The following PCSK5 variants were observed in gnomAD, a reference collection of about 807,000 sequenced individuals.
The protein encoded by PCSK5 is proprotein convertase subtilisin/kexin type 5.
PCSK5 carries 129 observed loss-of-function variants against 233.2 expected under a neutral mutation model. That is an observed-to-expected ratio of 0.55 (90% CI 0.48 to 0.64). PCSK5 has a LOEUF of 0.64. Among genes scored for constraint, PCSK5 ranks in the 30% least tolerant of loss-of-function variants. PCSK5 has a pLI of 0.00. For missense variants in PCSK5, 2,076 were observed against 2,430.1 expected, an observed-to-expected ratio of 0.85 and a Z score of 3.06; for synonymous variants, 825 against 879.2, an observed-to-expected ratio of 0.94 and a Z score of 1.09.
chr9:76,057,254 T>TA (rs1284012625), intron 5 of PCSK5, among the ~76,000 whole-genome samples: 4 of 152,090 alleles, frequency 2.6e-5, no homozygotes, highest in Admixed American at 6.6e-5. Flanking sequence ...TCTGTGGGAA[T>TA]AAAAAAAATG....
chr9:75,931,729 C>T (rs955147220), intron 1 of PCSK5, among the ~76,000 whole-genome samples: 22 of 152,122 alleles, frequency 1.4e-4, no homozygotes, highest in African/African-American at 2.2e-4. Context: ...GTTAGAGAAA[C>T]GGATAAGATA....
At chr9:76,006,473 T>G (rs1827483197) in intron 3 of PCSK5, among the ~76,000 whole-genome samples, 1 of 152,318 alleles carries the variant, frequency 6.6e-6, no homozygotes, top group Admixed American at 6.5e-5. Context: ...TCCTTTTTCC[T>G]TCACTTGATC....
At chr9:76,351,145 C>G (rs1830112090) in intron 36 of PCSK5, among the ~76,000 whole-genome samples, 2 of 152,080 alleles carry the variant, frequency 1.3e-5, no homozygotes. Flanking sequence ...CTGAGAAGAT[C>G]TAAGATAATG....
At chr9:75,951,647 A>G (rs1258183579) in intron 2 of PCSK5, among the ~76,000 whole-genome samples, 1 of 152,200 alleles carries the variant, frequency 6.6e-6, no homozygotes, top group East Asian at 1.9e-4. Flanking sequence ...ATTAATACAT[A>G]CAATCAGACC....
intron 1 of PCSK5, among the ~76,000 whole-genome samples, chr9:75,925,097 T>C (rs945892644): frequency 4.6e-5 from 7 of 152,210 alleles, no homozygotes; most frequent in Non-Finnish European, 5.9e-5. Flanking sequence ...AGCCTTGTTA[T>C]AAGTATGATT....
rs959039257 is a variant in PCSK5 at position 76,361,518 on chromosome 9, T to C, written c.*2596T>C. 6.6e-6 allele frequency: 1 copy of C among 151,686 alleles called. No individual in the cohort carries two copies. The highest frequency in any genetic ancestry group is 2.4e-5 in the African/African-American group (1 of 41,244). 9.4% of individuals were successfully genotyped at this position (151,686 alleles called of 1,614,324 possible). On this transcript the variant is annotated 3_prime_UTR_variant, in exon 38 of 38. Transcript: ENST00000674117. ...AGTTCGACATCAGCCTTGGACAACATAGTGAGACTCCCGTGTCTACAAAAA... is the reference window on the plus strand; with the variant it reads ...AGTTCGACATCAGCCTTGGACAACACAGTGAGACTCCCGTGTCTACAAAAA...
At chr9:75,958,047 C>T (rs570839743) in intron 2 of PCSK5, among the ~76,000 whole-genome samples, 73 of 152,254 alleles carry the variant, frequency 4.8e-4, no homozygotes, top group Admixed American at 7.2e-4. Context: ...CAGGTTTGTT[C>T]CAGGCGGTTA....
At chr9:76,023,358 T>G (rs1415864768) in intron 3 of PCSK5, among the ~76,000 whole-genome samples, 1 of 152,154 alleles carries the variant, frequency 6.6e-6, no homozygotes, top group Non-Finnish European at 1.5e-5. Context: ...TTGCTGCTAA[T>G]TTAATGCATT....
intron 6 of PCSK5, among the ~76,000 whole-genome samples, chr9:76,069,357 C>T (rs1224550980): frequency 3.3e-5 from 5 of 151,836 alleles, no homozygotes; most frequent in Non-Finnish European, 7.4e-5. Flanking sequence ...TATCAATACT[C>T]TCCAGCACAA....
intron 3 of PCSK5, 91 bp downstream of exon 3, chr9:75,986,336 A>G (rs1826514300): frequency 9.1e-6 from 7 of 772,642 alleles, no homozygotes; most frequent in Non-Finnish European, 1.6e-5. Flanking sequence ...GGACACAGAA[A>G]TACTGACCAG....
intron 30 of PCSK5, among the ~76,000 whole-genome samples, chr9:76,315,453 G>A (rs1828995494): frequency 6.6e-6 from 1 of 152,112 alleles, no homozygotes; most frequent in South Asian, 2.1e-4. Flanking sequence ...ATTTATCTGA[G>A]CTGAAAGACT....
intron 24 of PCSK5, among the ~76,000 whole-genome samples, chr9:76,246,354 A>C (rs1449936313): frequency 7.0e-6 from 1 of 143,094 alleles, no homozygotes; most frequent in East Asian, 1.9e-4. Context: ...AAAAAAAAAA[A>C]AAAAAAAAAA....
intron 32 of PCSK5, among the ~76,000 whole-genome samples, chr9:76,326,068 G>T (rs758706633): frequency 1.3e-5 from 2 of 152,130 alleles, no homozygotes. Flanking sequence ...GAAGTGTAGA[G>T]AAGCGTTTAG....
chr9:76,180,378 T>A (rs1296725508), intron 15 of PCSK5, among the ~76,000 whole-genome samples: 1 of 152,078 alleles, frequency 6.6e-6, no homozygotes, highest in African/African-American at 2.4e-5. Flanking sequence ...AAGATGCCAA[T>A]GCACAGGCCA....
chr9:76,229,753 C>T (rs541671068), intron 21 of PCSK5, among the ~76,000 whole-genome samples: 89 of 152,216 alleles, frequency 5.8e-4, no homozygotes, highest in Non-Finnish European at 9.8e-4. Flanking sequence ...CAGTTCATGT[C>T]ACACACACAT....
intron 3 of PCSK5, among the ~76,000 whole-genome samples, chr9:75,989,664 G>C (rs1826681293): frequency 6.6e-6 from 1 of 152,160 alleles, no homozygotes; most frequent in Admixed American, 6.5e-5. Context: ...CACAAGGCTG[G>C]CACATGGGTT....
intron 2 of PCSK5, among the ~76,000 whole-genome samples, chr9:75,982,782 A>G (rs1037500796): frequency 2.2e-5 from 3 of 138,874 alleles, no homozygotes; most frequent in African/African-American, 8.0e-5. Flanking sequence ...TGTCGTTCAC[A>G]TTATTTTTAT....
intron 2 of PCSK5, among the ~76,000 whole-genome samples, chr9:75,935,599 T>G (rs1326429405): frequency 6.6e-6 from 1 of 152,224 alleles, no homozygotes; most frequent in East Asian, 1.9e-4. Context: ...ATTGCCTCTT[T>G]TCAGGGCCAG....
At chr9:76,279,745 C>A (rs1215087304) in intron 24 of PCSK5, among the ~76,000 whole-genome samples, 6 of 151,826 alleles carry the variant, frequency 4.0e-5, no homozygotes, top group African/African-American at 9.7e-5. Flanking sequence ...CCTTCGCCCA[C>A]TTTTTGATGG....
Sources: gnomAD v4.1 joint callset for allele counts (sites outside exome capture counted in the v4.1 genomes callset) on GRCh38, gnomAD v4.1.1 for gene constraint, MANE v1.5 for transcripts, NCBI Gene and HGNC (gene_info 2026-07-23, HGNC 2026-07-21) for gene names.